ANKFN1: variants seen among roughly 807,000 people sequenced by gnomAD.
ANKFN1 encodes ankyrin repeat and fibronectin type III domain containing 1.
ANKFN1 carries 74 observed loss-of-function variants against 108.7 expected under a neutral mutation model. The observed-to-expected ratio is 0.68, with a 90% CI of 0.56 to 0.83. The LOEUF (loss-of-function observed/expected upper bound fraction) is 0.83, where lower values mean the gene tolerates loss of function less well. ANKFN1 is among the 40% of genes least tolerant of loss of function. The pLI is 0.00. For synonymous variants in ANKFN1, 547 were observed against 516.2 expected, an observed-to-expected ratio of 1.06 and a Z score of -0.81; for missense variants, 1,505 against 1,382.3, an observed-to-expected ratio of 1.09 and a Z score of -1.41.
intron 3 of ANKFN1, among the ~76,000 whole-genome samples, chr17:56,267,910 T>G: frequency 6.6e-6 from 1 of 152,168 alleles, no homozygotes; most frequent in Middle Eastern, 3.2e-3. Context: ...TTTTAGAATT[T>G]TTTTTCCTAA....
At chr17:56,239,020 A>G (rs1036033540) in intron 3 of ANKFN1, among the ~76,000 whole-genome samples, 8 of 152,152 alleles carry the variant, frequency 5.3e-5, no homozygotes, top group African/African-American at 1.9e-4. Context: ...AGTCTTCAGC[A>G]GGCAGTTTCT....
rs1218581590 is a variant in ANKFN1 at position 56,515,590 on chromosome 17, A to C, written c.*4321A>C. Among the ~76,000 whole-genome samples, 1 of 152,206 alleles carries C rather than the reference A, an allele frequency of 6.6e-6. No individual in the cohort carries two copies. The highest frequency in any genetic ancestry group is 2.4e-5 in the African/African-American group (1 of 41,440). On this transcript the variant is annotated 3_prime_UTR_variant, in exon 21 of 21. Coordinates refer to ENST00000682825, the MANE Select transcript of ANKFN1 (RefSeq NM_001370326.1). ...TAAACTTCAATGCGGCCTTACAAACAACAAGGGTAGTGTATTTGAAACCAT... is the reference window on the plus strand; with the variant it reads ...TAAACTTCAATGCGGCCTTACAAACCACAAGGGTAGTGTATTTGAAACCAT...
chr17:56,320,385 G>A (rs565526813), intron 3 of ANKFN1, among the ~76,000 whole-genome samples: 18 of 152,230 alleles, frequency 1.2e-4, no homozygotes, highest in South Asian at 4.1e-4. Flanking sequence ...GAGAAAATAA[G>A]GATAAATGGG....
chr17:56,067,526 A>T (rs1001463124), intron 4 of ANKFN1, among the ~76,000 whole-genome samples: 2 of 152,086 alleles, frequency 1.3e-5, no homozygotes, highest in African/African-American at 4.8e-5. Context: ...CCTAAGACCT[A>T]AGTCAAGAAT....
intron 1 of ANKFN1, among the ~76,000 whole-genome samples, chr17:56,210,886 T>C (rs544839695): frequency 1.3e-5 from 2 of 152,290 alleles, no homozygotes; most frequent in South Asian, 2.1e-4. Flanking sequence ...CTTGATTCAA[T>C]TACCTCCCAT....
intron 15 of ANKFN1, among the ~76,000 whole-genome samples, chr17:56,468,460 T>C (rs1024406589): frequency 1.3e-5 from 2 of 151,726 alleles, no homozygotes; most frequent in African/African-American, 4.8e-5. Context: ...GGATGAATTG[T>C]ATAGGACACT....
chr17:56,318,503 A>G (rs977789493), intron 3 of ANKFN1, among the ~76,000 whole-genome samples: 1 of 152,202 alleles, frequency 6.6e-6, no homozygotes, highest in Non-Finnish European at 1.5e-5. Flanking sequence ...TCAAAAATCA[A>G]TGAGGCCCGG....
intron 20 of ANKFN1, among the ~76,000 whole-genome samples, chr17:56,510,161 A>G (rs2051696987): frequency 6.6e-6 from 1 of 152,238 alleles, no homozygotes; most frequent in East Asian, 1.9e-4. Context: ...TGCCCAGCTA[A>G]TAATAAAAGC....
intron 4 of ANKFN1, among the ~76,000 whole-genome samples, chr17:56,059,545 C>G (rs1387597624): frequency 6.6e-6 from 1 of 152,114 alleles, no homozygotes; most frequent in East Asian, 1.9e-4. Flanking sequence ...AGGTTTTCTT[C>G]TAGGGTTTTT....
chr17:56,405,625 G>A (rs1202527956), intron 8 of ANKFN1, among the ~76,000 whole-genome samples: 2 of 152,074 alleles, frequency 1.3e-5, no homozygotes, highest in Non-Finnish European at 2.9e-5. Context: ...TTGCATCAAC[G>A]TTGTTTAAAG....
At chr17:56,300,719 T>G (rs4794631) in intron 3 of ANKFN1, among the ~76,000 whole-genome samples, 26,852 of 151,918 alleles carry the variant, frequency 0.18, 2,912 homozygotes, top group African/African-American at 0.32. Context: ...GCTCCTAAGG[T>G]TGATAGGAAG....
At chr17:56,386,312 G>A (rs985160052) in intron 8 of ANKFN1, among the ~76,000 whole-genome samples, 6 of 152,012 alleles carry the variant, frequency 3.9e-5, no homozygotes, top group African/African-American at 1.4e-4. Context: ...CACACTCTGG[G>A]GACTGTTGTG....
intron 3 of ANKFN1, among the ~76,000 whole-genome samples, chr17:56,281,374 C>G (rs915874666): frequency 9.2e-5 from 14 of 152,040 alleles, no homozygotes; most frequent in Non-Finnish European, 7.4e-5. Context: ...AAAAAAGAAT[C>G]TCAACCCCTA....
intron 8 of ANKFN1, among the ~76,000 whole-genome samples, chr17:56,391,679 G>T (rs943415555): frequency 6.6e-6 from 1 of 151,952 alleles, no homozygotes; most frequent in African/African-American, 2.4e-5. Context: ...ACCCACCTCG[G>T]CCTCCCAAAG....
intron 8 of ANKFN1, among the ~76,000 whole-genome samples, chr17:56,433,076 A>G (rs888197731): frequency 6.6e-6 from 1 of 152,234 alleles, no homozygotes; most frequent in Non-Finnish European, 1.5e-5. Context: ...AGTCTATTGT[A>G]AATTTTACTG....
rs979019995 is a variant in ANKFN1 at position 56,130,190 on chromosome 17, C to T, written c.288+83865C>T. ...CAGGCCTAATTAGAGCAGCAATGCT[C>T]GCATTCATAATGAAGCTCGTGTCTT... On this transcript the variant is annotated intron_variant, in intron 4 of 12. Coordinates refer to the ANKFN1 transcript ENST00000635860. Among the ~76,000 whole-genome samples, 6 of 152,192 alleles carry T rather than the reference C, an allele frequency of 3.9e-5. No homozygotes were observed. The South Asian group carries it at 6.2e-4, about 16-fold the overall frequency.
intron 8 of ANKFN1, among the ~76,000 whole-genome samples, chr17:56,396,321 G>A (rs1210780875): frequency 6.6e-6 from 1 of 152,092 alleles, no homozygotes; most frequent in Non-Finnish European, 1.5e-5. Context: ...GGTGGCACAC[G>A]CCTGTAATTC....
chr17:56,467,729 GAGAAAGAAAGAAACAAAGAA>G (rs1568025694), intron 15 of ANKFN1, among the ~76,000 whole-genome samples: 7 of 121,640 alleles, frequency 5.8e-5, no homozygotes, highest in African/African-American at 1.7e-4. Flanking sequence ...GAAAGAAAGA[GAGAAAGAAAGAAACAAAGAA>G]AGAAAGAAAG....
rs112886652 is a variant in ANKFN1 at position 56,508,373 on chromosome 17, T to TA, written c.2645-2095dup. ...CTTTTTAAAAATTAAATGCTGTTTT[T>TA]AAAAATATGTTTTTTGAAATAATTA... On this transcript the variant is annotated intron_variant, in intron 20 of 20. Coordinates refer to ENST00000682825, the MANE Select transcript of ANKFN1 (RefSeq NM_001370326.1). Among the ~76,000 whole-genome samples the TA allele has an allele frequency of 4.0e-3, 607 of 152,350 alleles. 7 individuals are homozygous for TA. Among genetic ancestry groups the TA allele is most frequent in the African/African-American group, 0.014 (571 of 41,582 alleles).
Sources: gnomAD v4.1 joint callset for allele counts (sites outside exome capture counted in the v4.1 genomes callset) on GRCh38, gnomAD v4.1.1 for gene constraint, MANE v1.5 for transcripts, NCBI Gene and HGNC (gene_info 2026-07-23, HGNC 2026-07-21) for gene names.